ADGRB3: variants seen among roughly 807,000 people sequenced by gnomAD.
ADGRB3 encodes the protein adhesion G protein-coupled receptor B3.
In ADGRB3, 37 loss-of-function variants were observed where a neutral mutation model predicts 193.4. The observed-to-expected ratio is 0.19, with a 90% CI of 0.15 to 0.25. ADGRB3 has a LOEUF of 0.25. Among genes scored for constraint, ADGRB3 ranks in the 10% least tolerant of loss-of-function variants. The pLI is 1.00. For missense variants in ADGRB3, 1,637 were observed against 1,852.9 expected (o/e 0.88, Z 2.14); for synonymous variants, 690 against 644.2 (o/e 1.07, Z -1.08).
intron 5 of ADGRB3, among the ~76,000 whole-genome samples, chr6:68,942,001 AT>A (rs1184394971): frequency 6.2e-4 from 94 of 151,424 alleles, no homozygotes; most frequent in Non-Finnish European, 3.2e-4. Context: ...AAAACATCAT[AT>A]TTTTTGTCAC....
intron 3 of ADGRB3, among the ~76,000 whole-genome samples, chr6:68,806,863 T>C (rs963890870): frequency 6.6e-6 from 1 of 152,122 alleles, no homozygotes; most frequent in Non-Finnish European, 1.5e-5. Flanking sequence ...GTTGCAGTTT[T>C]AGCAATGCTA....
chr6:68,993,324 T>C (rs1043474127), intron 10 of ADGRB3, among the ~76,000 whole-genome samples: 2 of 152,324 alleles, frequency 1.3e-5, no homozygotes, highest in Admixed American at 1.3e-4. Flanking sequence ...GATGTGTTCA[T>C]TTTAAGAGGT....
chr6:68,862,101 T>C (rs1765171568), intron 3 of ADGRB3, among the ~76,000 whole-genome samples: 1 of 147,446 alleles, frequency 6.8e-6, no homozygotes, highest in Non-Finnish European at 1.5e-5. Context: ...CTGTGGAAAC[T>C]TTCCTCACTA....
chr6:69,253,358 A>G (rs151267099), intron 20 of ADGRB3, among the ~76,000 whole-genome samples: 3,976 of 152,084 alleles, frequency 0.026, 73 homozygotes, highest in Middle Eastern at 0.061. Flanking sequence ...GTGTGTTGCA[A>G]TTTTCTTAGT....
chr6:68,705,205 C>T (rs1024975994), intron 3 of ADGRB3, among the ~76,000 whole-genome samples: 4 of 152,194 alleles, frequency 2.6e-5, no homozygotes, highest in Non-Finnish European at 5.9e-5. Flanking sequence ...TTTTCAAATA[C>T]AGCATTCTGT....
intron 3 of ADGRB3, among the ~76,000 whole-genome samples, chr6:68,924,552 C>G (rs530130007): frequency 6.6e-6 from 1 of 151,830 alleles, no homozygotes; most frequent in African/African-American, 2.4e-5. Flanking sequence ...CATAATGTAA[C>G]AACATTGAAA....
At chr6:68,954,796 C>T (rs949816995) in intron 6 of ADGRB3, among the ~76,000 whole-genome samples, 2 of 151,872 alleles carry the variant, frequency 1.3e-5, no homozygotes, top group Middle Eastern at 3.4e-3. Context: ...TCTCCTGCCT[C>T]AGCCTCCCGG....
intron 3 of ADGRB3, among the ~76,000 whole-genome samples, chr6:68,792,576 G>C (rs1400079973): frequency 6.6e-6 from 1 of 152,026 alleles, no homozygotes; most frequent in Non-Finnish European, 1.5e-5. Context: ...GTGTTGTCCT[G>C]GAACATACTT....
At chr6:68,637,656 G>T (rs1767988896) in intron 2 of ADGRB3, 94 bp downstream of exon 2, 1 of 152,512 alleles carries the variant, frequency 6.6e-6, no homozygotes, top group Admixed American at 6.5e-5. Context: ...GTTGTTGTTG[G>T]AAAGGGAGCA....
chr6:68,804,421 G>A (rs1382540585), intron 3 of ADGRB3, among the ~76,000 whole-genome samples: 1 of 152,010 alleles, frequency 6.6e-6, no homozygotes, highest in Non-Finnish European at 1.5e-5. Context: ...TGTCCTATAA[G>A]TTTTCAGTAG....
At chr6:68,783,084 G>A (rs1380951438) in intron 3 of ADGRB3, among the ~76,000 whole-genome samples, 2 of 151,598 alleles carry the variant, frequency 1.3e-5, no homozygotes, top group African/African-American at 2.4e-5. Context: ...TAATTATATG[G>A]CAGGAACTGT....
At position 69,106,164 on chromosome 6, in the gene ADGRB3, TAA is replaced by T. The variant is rs61114782; in HGVS notation, c.2480+30144_2480+30145del. Among the ~76,000 whole-genome samples the T allele has an allele frequency of 3.0e-3, 269 of 91,060 alleles. 5 individuals are homozygous for T. The highest frequency in any genetic ancestry group is 0.015 in the South Asian group (30 of 2,022). The allele number at this position is 91,060 out of a possible 152,430, so 59.7% of individuals were successfully genotyped here. A position where few individuals can be genotyped will look rare whatever the true frequency, so the allele number is the denominator to read the frequency against. ...ACAGGCTTTTTCTGTGAGACTGCGT[TAA>T]AAAAAAAAAAAAAAAAAGAAAAGAA... On this transcript the variant is annotated intron_variant, in intron 17 of 31. Transcript: ENST00000370598.
intron 5 of ADGRB3, 128 bp from the exon 6 acceptor site, chr6:68,943,702 T>C: frequency 2.9e-6 from 2 of 693,024 alleles, no homozygotes; most frequent in Non-Finnish European, 4.3e-6. Flanking sequence ...AAGAATGTTA[T>C]CTCAACTGAG....
At chr6:68,720,839 G>A (rs1765563083) in intron 3 of ADGRB3, among the ~76,000 whole-genome samples, 1 of 151,712 alleles carries the variant, frequency 6.6e-6, no homozygotes, top group Non-Finnish European at 1.5e-5. Flanking sequence ...TGTTTCTGCT[G>A]TTACCTTTCA....
At chr6:68,803,825 C>T (rs1767355228) in intron 3 of ADGRB3, among the ~76,000 whole-genome samples, 2 of 152,150 alleles carry the variant, frequency 1.3e-5, no homozygotes, top group African/African-American at 4.8e-5. Flanking sequence ...TGTTAACTTC[C>T]ACTGCACTAC....
chr6:68,794,396 T>G (rs1767167578), intron 3 of ADGRB3, among the ~76,000 whole-genome samples: 1 of 152,148 alleles, frequency 6.6e-6, no homozygotes, highest in South Asian at 2.1e-4. Flanking sequence ...AATATAAGAA[T>G]TATTAAAGCT....
intron 3 of ADGRB3, among the ~76,000 whole-genome samples, chr6:68,784,209 G>A (rs1374405499): frequency 6.6e-6 from 1 of 152,042 alleles, no homozygotes; most frequent in East Asian, 1.9e-4. Context: ...TATGAGAAAA[G>A]AGAGCAGTAG....
chr6:69,199,641 T>C (rs1043865564), intron 17 of ADGRB3, among the ~76,000 whole-genome samples: 2 of 152,118 alleles, frequency 1.3e-5, no homozygotes, highest in Non-Finnish European at 2.9e-5. Flanking sequence ...CTTTAGTGGT[T>C]CAGGACAAAG....
intron 3 of ADGRB3, among the ~76,000 whole-genome samples, chr6:68,900,273 T>C (rs1270291544): frequency 6.6e-6 from 1 of 152,174 alleles, no homozygotes; most frequent in Non-Finnish European, 1.5e-5. Context: ...TTTGATCTGT[T>C]ACCTTATTTC....
Sources: allele counts gnomAD v4.1 joint callset (sites outside exome capture counted in the v4.1 genomes callset), GRCh38; gene constraint gnomAD v4.1.1; transcripts MANE v1.5; gene names NCBI Gene and HGNC (gene_info 2026-07-23, HGNC 2026-07-21).